NBAS: variants seen among roughly 807,000 people sequenced by gnomAD.
NBAS encodes NBAS subunit of NRZ tethering complex, also known as NAG/BC035112 fusion.
In NBAS, 219 loss-of-function variants were observed where a neutral mutation model predicts 302.5. The ratio of observed to expected loss-of-function variants is 0.72; its 90% confidence interval spans 0.65 to 0.81. The LOEUF (loss-of-function observed/expected upper bound fraction) is 0.81, where lower values mean the gene tolerates loss of function less well. Ranked by LOEUF, NBAS falls within the 30% of genes least tolerant of loss-of-function variation. NBAS has a pLI of 0.00. For synonymous variants in NBAS, 1,118 were observed against 1,021.6 expected (o/e 1.09, Z -1.80); for missense variants, 2,932 against 2,841.6 (o/e 1.03, Z -0.72).
At chr2:15,395,163 G>A (rs1258049528) in intron 27 of NBAS, among the ~76,000 whole-genome samples, 19 of 152,076 alleles carry the variant, frequency 1.2e-4, no homozygotes, top group Admixed American at 1.2e-3. Context: ...GGTGTTAAGT[G>A]TTTCCTTGAG....
chr2:14,943,648 G>C, the NBAS span, among the ~76,000 whole-genome samples: 1 of 152,130 alleles, frequency 6.6e-6, no homozygotes, highest in African/African-American at 2.4e-5. Context: ...TTTTACATCT[G>C]TGAAAACTGA....
At chr2:15,478,973 A>G (rs975594283) in intron 12 of NBAS, among the ~76,000 whole-genome samples, 3 of 152,182 alleles carry the variant, frequency 2.0e-5, no homozygotes, top group African/African-American at 7.2e-5. Flanking sequence ...AGAGTAAAAA[A>G]ATAGTTGGGG....
At chr2:15,451,759 G>C (rs1679024652) in intron 21 of NBAS, among the ~76,000 whole-genome samples, 1 of 152,074 alleles carries the variant, frequency 6.6e-6, no homozygotes. Context: ...AAAGACACTA[G>C]AAGTTCCCTT....
chr2:15,556,057 T>C (rs1664629757), intron 3 of NBAS, among the ~76,000 whole-genome samples: 1 of 152,080 alleles, frequency 6.6e-6, no homozygotes, highest in African/African-American at 2.4e-5. Flanking sequence ...CAATTAAGTA[T>C]AGAAATTGTA....
At chr2:15,462,757 G>A (rs1297527539) in intron 19 of NBAS, among the ~76,000 whole-genome samples, 1 of 152,110 alleles carries the variant, frequency 6.6e-6, no homozygotes, top group Non-Finnish European at 1.5e-5. Context: ...GGACTAAGAT[G>A]TGAGTTAGAG....
At chr2:15,432,215 T>C (rs1367784359) in intron 21 of NBAS, among the ~76,000 whole-genome samples, 1 of 151,918 alleles carries the variant, frequency 6.6e-6, no homozygotes, top group Non-Finnish European at 1.5e-5. Flanking sequence ...CTTTATTTCA[T>C]CTTATTTGTC....
the NBAS span, among the ~76,000 whole-genome samples, chr2:14,800,088 A>G: frequency 6.6e-6 from 1 of 152,194 alleles, no homozygotes; most frequent in Non-Finnish European, 1.5e-5. Context: ...ATCTTCCACC[A>G]TGGTATTTGA....
the NBAS span, among the ~76,000 whole-genome samples, chr2:14,867,286 C>G: frequency 1.2e-4 from 19 of 152,266 alleles, 1 homozygote; most frequent in East Asian, 3.3e-3. Context: ...ACAGCTTTGT[C>G]TCTACATCAT....
In NBAS at chr2:15,429,335, T is replaced by C. The variant is rs115453446; in HGVS notation, c.2340-1541A>G. ...TCAATTGCCTTGCTTTATAGCTCAA[T>C]AAAACATTTTCTCTAATATTTCTGA... is the stretch of plus-strand genomic sequence containing the variant. On this transcript the variant is annotated intron_variant, in intron 21 of 51. Coordinates refer to ENST00000281513, the MANE Select transcript of NBAS (RefSeq NM_015909.4). 2.8e-3 allele frequency among the ~76,000 whole-genome samples: 432 copies of C among 152,346 alleles called. 2 individuals carry two copies. Among genetic ancestry groups the C allele is most frequent in the Middle Eastern group, 0.01 (3 of 294 alleles).
the NBAS span, among the ~76,000 whole-genome samples, chr2:15,150,393 A>T: frequency 0.24 from 35,899 of 152,044 alleles, 4,346 homozygotes; most frequent in Middle Eastern, 0.32. Flanking sequence ...CAGTACTGAA[A>T]CTCTTAAGAT....
At chr2:15,194,208 T>C (rs1486121849) in intron 48 of NBAS, among the ~76,000 whole-genome samples, 4 of 152,142 alleles carry the variant, frequency 2.6e-5, no homozygotes, top group Non-Finnish European at 4.4e-5. Context: ...TTCAAGAAGC[T>C]AAATTATTCC....
downstream of NBAS, among the ~76,000 whole-genome samples, chr2:15,162,950 C>T (rs1663930115): frequency 6.6e-6 from 1 of 152,204 alleles, no homozygotes; most frequent in South Asian, 2.1e-4. Context: ...GAATGCTCTT[C>T]TGCTACATTT....
chr2:15,457,123 C>A (rs1051326891), intron 21 of NBAS, among the ~76,000 whole-genome samples: 4 of 152,078 alleles, frequency 2.6e-5, no homozygotes, highest in Admixed American at 1.3e-4. Context: ...GCCTGTGTGG[C>A]AGGAATGGAG....
At chr2:15,076,712 C>A in the NBAS span, among the ~76,000 whole-genome samples, 5 of 152,148 alleles carry the variant, frequency 3.3e-5, no homozygotes, top group Admixed American at 2.0e-4. Flanking sequence ...AGTGGGCTGG[C>A]AGAATATCTC....
chr2:14,921,393 T>C, the NBAS span, among the ~76,000 whole-genome samples: 1 of 152,122 alleles, frequency 6.6e-6, no homozygotes, highest in Non-Finnish European at 1.5e-5. Context: ...ATTACCAAAA[T>C]GTGACACAGA....
At chr2:14,901,559 C>T in the NBAS span, among the ~76,000 whole-genome samples, 11 of 150,958 alleles carry the variant, frequency 7.3e-5, no homozygotes, top group South Asian at 2.1e-4. Context: ...TAATAAATGA[C>T]GAGGAAAAGA....
the NBAS span, among the ~76,000 whole-genome samples, chr2:14,843,800 G>A: frequency 2.2e-4 from 33 of 152,258 alleles, no homozygotes; most frequent in African/African-American, 7.5e-4. Context: ...ATTGAACTTG[G>A]TGCTGCCCTA....
intron 49 of NBAS, among the ~76,000 whole-genome samples, chr2:15,188,132 GAT>G (rs1665173698): frequency 6.6e-6 from 1 of 152,184 alleles, no homozygotes; most frequent in Non-Finnish European, 1.5e-5. Flanking sequence ...AAATTATCAA[GAT>G]ATGTTTTTCA....
At chr2:15,502,999 T>A (rs1437305717) in intron 11 of NBAS, among the ~76,000 whole-genome samples, 3 of 152,246 alleles carry the variant, frequency 2.0e-5, no homozygotes, top group African/African-American at 7.2e-5. Context: ...TTGTATTTTA[T>A]TTTATGCTTT....
Sources: gnomAD v4.1 joint callset for allele counts (sites outside exome capture counted in the v4.1 genomes callset) on GRCh38, gnomAD v4.1.1 for gene constraint, MANE v1.5 for transcripts, NCBI Gene and HGNC (gene_info 2026-07-23, HGNC 2026-07-21) for gene names.